Variants in SNX24 observed in about 807,000 individuals in gnomAD.
SNX24 encodes the protein sorting nexin 24, also known as sorting nexin-24.
Under a neutral mutation model 28.7 loss-of-function variants are expected in SNX24, and 22 were observed. That is an observed-to-expected ratio of 0.77 (90% CI 0.55 to 1.10). SNX24 has a LOEUF of 1.10. Ranked by LOEUF, SNX24 falls within the 50% of genes least tolerant of loss-of-function variation. SNX24 has a pLI of 0.00. For synonymous variants in SNX24, 69 were observed against 71.5 expected, an observed-to-expected ratio of 0.96 and a Z score of 0.18; for missense variants, 221 against 201.1, an observed-to-expected ratio of 1.10 and a Z score of -0.60.
chr5:122,963,101 G>A (rs1049354695), intron 3 of SNX24, among the ~76,000 whole-genome samples: 1 of 152,156 alleles, frequency 6.6e-6, no homozygotes, highest in Non-Finnish European at 1.5e-5. Flanking sequence ...AGACCTGGTG[G>A]TACACGCCTG....
chr5:122,985,915 T>C (rs1291957576), intron 3 of SNX24, among the ~76,000 whole-genome samples: 1 of 152,220 alleles, frequency 6.6e-6, no homozygotes, highest in Non-Finnish European at 1.5e-5. Flanking sequence ...CCTGCCCTCT[T>C]GGAGCTGGAG....
downstream of SNX24, among the ~76,000 whole-genome samples, chr5:123,013,975 A>G (rs184110611): frequency 1.0e-3 from 159 of 152,374 alleles, no homozygotes; most frequent in Admixed American, 1.8e-3. Context: ...TTAGGGGCCA[A>G]GAGGCACTGG....
chr5:122,866,966 G>A (rs1365644797), intron 1 of SNX24, among the ~76,000 whole-genome samples: 1 of 152,188 alleles, frequency 6.6e-6, no homozygotes, highest in Non-Finnish European at 1.5e-5. Context: ...CATTTTGCTA[G>A]TGGGTCACTG....
At chr5:122,964,955 C>T (rs927732457) in intron 3 of SNX24, among the ~76,000 whole-genome samples, 20 of 151,926 alleles carry the variant, frequency 1.3e-4, no homozygotes, top group Non-Finnish European at 2.5e-4. Context: ...GTTTCTAGTT[C>T]TCCTAGAATT....
chr5:123,024,892 G>A (rs1347254870), intron 5 of SNX24, among the ~76,000 whole-genome samples: 2 of 152,188 alleles, frequency 1.3e-5, no homozygotes, highest in African/African-American at 2.4e-5. Context: ...CAGTTTAGGA[G>A]CTGAGAGAGC....
chr5:122,967,332 A>G (rs1160138209), intron 3 of SNX24, among the ~76,000 whole-genome samples: 1 of 152,182 alleles, frequency 6.6e-6, no homozygotes, highest in East Asian at 1.9e-4. Context: ...GCCTATCTGT[A>G]AAATACATCA....
At chr5:123,024,096 G>C (rs1762814256) in intron 5 of SNX24, 1 of 1,466,276 alleles carries the variant, frequency 6.8e-7, no homozygotes, top group Admixed American at 2.2e-5. Context: ...AAGCCCAAGT[G>C]GGAAGGAAAT....
chr5:123,004,758 G>A (rs907175920), intron 6 of SNX24, among the ~76,000 whole-genome samples: 4 of 151,998 alleles, frequency 2.6e-5, no homozygotes, highest in Admixed American at 1.3e-4. Context: ...TTCCTCCACC[G>A]TGAGCCTTGT....
At chr5:122,906,104 A>G (rs1388838612) in intron 1 of SNX24, among the ~76,000 whole-genome samples, 1 of 152,224 alleles carries the variant, frequency 6.6e-6, no homozygotes, top group Non-Finnish European at 1.5e-5. Flanking sequence ...GTTCCTCTGC[A>G]TTCTTAGGGT....
At chr5:122,926,385 C>T (rs1408278620) in intron 1 of SNX24, among the ~76,000 whole-genome samples, 2 of 152,042 alleles carry the variant, frequency 1.3e-5, no homozygotes, top group African/African-American at 4.8e-5. Context: ...TGCTGCAGGG[C>T]AGGAGTGAAG....
At chr5:122,891,210 G>T (rs1756953363) in intron 1 of SNX24, 2 of 1,288,950 alleles carry the variant, frequency 1.6e-6, no homozygotes, top group South Asian at 2.4e-5. Flanking sequence ...TGGTTGAAAT[G>T]GTTTAGGAAT....
At chr5:122,955,448 A>G (rs1167910926) in intron 3 of SNX24, among the ~76,000 whole-genome samples, 1 of 152,200 alleles carries the variant, frequency 6.6e-6, no homozygotes, top group African/African-American at 2.4e-5. Context: ...GGTACAATGG[A>G]TAATTCTGAT....
intron 3 of SNX24, among the ~76,000 whole-genome samples, chr5:122,961,344 C>G (rs1760481012): frequency 6.6e-6 from 1 of 152,074 alleles, no homozygotes; most frequent in Non-Finnish European, 1.5e-5. Context: ...AAGAACAAGA[C>G]CTATGTATTT....
chr5:122,912,698 A>G (rs1241541633), intron 1 of SNX24, among the ~76,000 whole-genome samples: 1 of 150,414 alleles, frequency 6.6e-6, no homozygotes, highest in African/African-American at 2.4e-5. Context: ...AATTTTGTCA[A>G]AGGCCTTTTC....
intron 3 of SNX24, among the ~76,000 whole-genome samples, chr5:122,993,696 T>C (rs62377423): frequency 7.9e-5 from 12 of 152,180 alleles, no homozygotes; most frequent in Non-Finnish European, 1.6e-4. Flanking sequence ...AGTAGAAGAC[T>C]GAGGACTACA....
At chr5:122,959,315 C>G (rs1760370216) in intron 3 of SNX24, among the ~76,000 whole-genome samples, 1 of 146,310 alleles carries the variant, frequency 6.8e-6, no homozygotes, top group African/African-American at 2.5e-5. Flanking sequence ...TTCCATTTAT[C>G]TCTACTCTAA....
At chr5:122,984,290 G>GAA (rs11395046) in intron 3 of SNX24, among the ~76,000 whole-genome samples, 94 of 150,082 alleles carry the variant, frequency 6.3e-4, no homozygotes, top group Admixed American at 9.3e-4. Context: ...CTACAATACA[G>GAA]AAAAAAAAAA....
chr5:122,930,722 T>A (rs1758914580), intron 1 of SNX24, among the ~76,000 whole-genome samples: 1 of 152,230 alleles, frequency 6.6e-6, no homozygotes, highest in African/African-American at 2.4e-5. Context: ...ATTTATTCTC[T>A]TTCATCCATG....
intron 1 of SNX24, among the ~76,000 whole-genome samples, chr5:122,874,668 A>G (rs1046127136): frequency 1.2e-4 from 18 of 152,314 alleles, no homozygotes; most frequent in Middle Eastern, 6.8e-3. Flanking sequence ...TTATTCTGCA[A>G]CTTGACCTTT....
Sources: gnomAD v4.1 joint callset for allele counts (sites outside exome capture counted in the v4.1 genomes callset) on GRCh38, gnomAD v4.1.1 for gene constraint, MANE v1.5 for transcripts, NCBI Gene and HGNC (gene_info 2026-07-23, HGNC 2026-07-21) for gene names.